PRDM16: variants seen among roughly 807,000 people sequenced by gnomAD.
The protein encoded by PRDM16 is histone-lysine N-methyltransferase PRDM16.
In PRDM16, 23 loss-of-function variants were observed where a neutral mutation model predicts 110.6. The observed-to-expected ratio is 0.21, with a 90% CI of 0.15 to 0.29. The LOEUF (loss-of-function observed/expected upper bound fraction) is 0.29, where lower values mean the gene tolerates loss of function less well. Among genes scored for constraint, PRDM16 ranks in the 10% least tolerant of loss-of-function variants. PRDM16 has a pLI of 1.00. For synonymous variants in PRDM16, 799 were observed against 781.8 expected, an observed-to-expected ratio of 1.02 and a Z score of -0.37; for missense variants, 1,615 against 1,794.3, an observed-to-expected ratio of 0.90 and a Z score of 1.81.
At chr1:3,285,142 T>G (rs1569993178) in intron 3 of PRDM16, among the ~76,000 whole-genome samples, 1 of 152,288 alleles carries the variant, frequency 6.6e-6, no homozygotes, top group South Asian at 2.1e-4. Context: ...CCCAAGGTCC[T>G]TGGTGAGGTT....
chr1:3,200,399 A>G (rs973936096), intron 2 of PRDM16, among the ~76,000 whole-genome samples: 30 of 151,962 alleles, frequency 2.0e-4, no homozygotes, highest in African/African-American at 1.2e-4. Flanking sequence ...CTGGAGTGCA[A>G]TGGTGCTATC....
chr1:3,222,919 G>A (rs1398381956), intron 2 of PRDM16, among the ~76,000 whole-genome samples: 1 of 152,082 alleles, frequency 6.6e-6, no homozygotes, highest in Non-Finnish European at 1.5e-5. Flanking sequence ...GGTGGAGTTT[G>A]GTGGGTGGGT....
At position 3,426,117 on chromosome 1, in the gene PRDM16, C is replaced by T. The variant is rs774463414; in HGVS notation, c.3176C>T (p.Ser1059Leu). 1.8e-5 allele frequency: 29 copies of T among 1,613,864 alleles called. No homozygotes were observed. Among genetic ancestry groups the T allele is most frequent in the Non-Finnish European group, 2.2e-5 (26 of 1,179,984 alleles). ...AGCGCGTCCTCTCCCACCTCAGAGTCGGACAACCACGCACTTTTAGACGAG... is the reference window on the plus strand; with the variant it reads ...AGCGCGTCCTCTCCCACCTCAGAGTTGGACAACCACGCACTTTTAGACGAG... ...GTSASSPTSESDNHALLDEKE... is the reference protein window; with the variant it reads ...GTSASSPTSELDNHALLDEKE... Residue 1059 changes from serine to leucine, a missense_variant, in exon 14 of 17, where the codon TCG (serine) becomes TTG (leucine). Transcript: ENST00000270722.
chr1:3,333,216 T>C (rs1212516539), intron 3 of PRDM16, among the ~76,000 whole-genome samples: 1 of 152,148 alleles, frequency 6.6e-6, no homozygotes, highest in Non-Finnish European at 1.5e-5. Flanking sequence ...CCTGTCCCTC[T>C]GCATCAGACA....
intron 16 of PRDM16, among the ~76,000 whole-genome samples, chr1:3,432,722 G>C (rs184338743): frequency 1.3e-5 from 2 of 152,168 alleles, no homozygotes; most frequent in African/African-American, 4.8e-5. Flanking sequence ...GAACAGGCCC[G>C]CCCCAGGTCT....
At chr1:3,292,003 C>A (rs1214063925) in intron 3 of PRDM16, among the ~76,000 whole-genome samples, 1 of 152,206 alleles carries the variant, frequency 6.6e-6, no homozygotes, top group Admixed American at 6.5e-5. Context: ...CCTCAAGATG[C>A]CTTTACATCT....
intron 2 of PRDM16, among the ~76,000 whole-genome samples, chr1:3,219,078 C>G (rs1557537340): frequency 6.6e-6 from 1 of 152,204 alleles, no homozygotes; most frequent in Non-Finnish European, 1.5e-5. Flanking sequence ...CGAGGAGGGC[C>G]TTTAGGATTT....
At chr1:3,282,654 G>A (rs916505573) in intron 3 of PRDM16, among the ~76,000 whole-genome samples, 9 of 152,148 alleles carry the variant, frequency 5.9e-5, no homozygotes, top group Non-Finnish European at 1.3e-4. Flanking sequence ...GAAAAAACTC[G>A]CCAAGAGAGC....
chr1:3,268,583 A>G (rs1640353925), intron 3 of PRDM16, among the ~76,000 whole-genome samples: 1 of 152,078 alleles, frequency 6.6e-6, no homozygotes, highest in Admixed American at 6.5e-5. Context: ...CTTCACCCTC[A>G]TTCCTATAGC....
chr1:3,242,507 TGAGCAGCTCCTC>T (rs1260849900), intron 2 of PRDM16, among the ~76,000 whole-genome samples: 2 of 152,212 alleles, frequency 1.3e-5, no homozygotes, highest in Non-Finnish European at 2.9e-5. Flanking sequence ...AGATTCCACC[TGAGCAGCTCCTC>T]GAGCTCTGCC....
intron 8 of PRDM16, 68 bp downstream of exon 8, chr1:3,405,716 T>G (rs1569704729): frequency 6.9e-7 from 1 of 1,459,714 alleles, no homozygotes; most frequent in Non-Finnish European, 9.1e-7. Context: ...CGGGCCGAGG[T>G]GGGCCATCCC....
intron 1 of PRDM16, among the ~76,000 whole-genome samples, chr1:3,178,109 G>A (rs1438894518): frequency 1.3e-5 from 2 of 152,160 alleles, no homozygotes; most frequent in Non-Finnish European, 2.9e-5. Context: ...GGCGAGCTGA[G>A]GAGTGGATCC....
At chr1:3,122,410 T>A (rs1222067991) in intron 1 of PRDM16, among the ~76,000 whole-genome samples, 1 of 152,044 alleles carries the variant, frequency 6.6e-6, no homozygotes, top group East Asian at 1.9e-4. Context: ...GCAAATCCCA[T>A]CAGAGGCTTT....
At chr1:3,426,987 C>T (rs1638627506) in intron 14 of PRDM16, among the ~76,000 whole-genome samples, 1 of 152,254 alleles carries the variant, frequency 6.6e-6, no homozygotes. Context: ...CCTAGATCTA[C>T]ACACACGCAT....
chr1:3,430,783 G>A (rs1262425368), intron 14 of PRDM16, 89 bp from the exon 15 acceptor site: 39 of 1,475,788 alleles, frequency 2.6e-5, no homozygotes, highest in Non-Finnish European at 3.5e-5. Context: ...GGGAGGCAGT[G>A]GGGGCAGAGC....
intron 2 of PRDM16, among the ~76,000 whole-genome samples, chr1:3,194,099 G>A (rs1638391298): frequency 6.6e-6 from 1 of 152,244 alleles, no homozygotes; most frequent in African/African-American, 2.4e-5. Flanking sequence ...GTCCTGTCCG[G>A]CACCTGCACC....
intron 2 of PRDM16, among the ~76,000 whole-genome samples, chr1:3,200,435 C>T (rs535628870): frequency 8.5e-5 from 13 of 152,328 alleles, no homozygotes; most frequent in South Asian, 2.1e-4. Context: ...CTCCGCCTCC[C>T]GGGTTCACGC....
chr1:3,306,316 G>A (rs1226020339), intron 3 of PRDM16, among the ~76,000 whole-genome samples: 1 of 152,192 alleles, frequency 6.6e-6, no homozygotes, highest in Admixed American at 6.5e-5. Context: ...CACATTGCAG[G>A]TATTTCTCTT....
intron 1 of PRDM16, among the ~76,000 whole-genome samples, chr1:3,145,655 C>T (rs1357720044): frequency 1.3e-5 from 2 of 152,198 alleles, no homozygotes; most frequent in Non-Finnish European, 2.9e-5. Flanking sequence ...GTGGTCCGTA[C>T]AGTCAGGACG....
Sources: allele counts gnomAD v4.1 joint callset (sites outside exome capture counted in the v4.1 genomes callset), GRCh38; gene constraint gnomAD v4.1.1; transcripts MANE v1.5; gene names NCBI Gene and HGNC (gene_info 2026-07-23, HGNC 2026-07-21).